The following RIMBP2 variants were observed in gnomAD, a reference collection of about 807,000 sequenced individuals.
RIMBP2 encodes the protein RIMS-binding protein 2.
A neutral mutation model predicts 118.6 loss-of-function variants in RIMBP2; 48 were observed. The observed-to-expected ratio is 0.40, with a 90% CI of 0.32 to 0.51. The LOEUF (loss-of-function observed/expected upper bound fraction) is 0.51. RIMBP2 is among the 20% of genes least tolerant of loss of function. RIMBP2 has a pLI of 0.41. For missense variants in RIMBP2, 1,551 were observed against 1,768.3 expected (o/e 0.88, Z 2.20); for synonymous variants, 762 against 742.9 (o/e 1.03, Z -0.42).
chr12:130,543,938 G>A (rs555538781), intron 2 of RIMBP2, among the ~76,000 whole-genome samples: 13 of 152,258 alleles, frequency 8.5e-5, no homozygotes, highest in Middle Eastern at 3.4e-3. Flanking sequence ...TGTTTCTCTT[G>A]AAGGTATTTG....
intron 1 of RIMBP2, among the ~76,000 whole-genome samples, chr12:130,666,965 G>C: frequency 7.2e-6 from 1 of 139,204 alleles, no homozygotes; most frequent in South Asian, 2.5e-4. Flanking sequence ...GAGGGAGAGA[G>C]GGAAGGAAGA....
intron 15 of RIMBP2, 187 bp from the exon 16 acceptor site, chr12:130,425,045 G>C: frequency 2.5e-6 from 1 of 401,986 alleles, no homozygotes; most frequent in Non-Finnish European, 4.3e-6. Flanking sequence ...AATGGGTTAC[G>C]GGGCTGGGGC....
chr12:130,703,432 A>G lies in RIMBP2; in HGVS notation c.-352+12790T>C, dbSNP rs959470814. Among the ~76,000 whole-genome samples, 8 of 152,148 alleles carry G rather than the reference A, an allele frequency of 5.3e-5. No individual in the cohort carries two copies. The highest frequency in any genetic ancestry group is 1.2e-4 in the African/African-American group (5 of 41,444). On this transcript the variant is annotated intron_variant, in intron 1 of 22. Coordinates refer to ENST00000690449, the MANE Select transcript of RIMBP2 (RefSeq NM_001393629.1). The surrounding 1 kb of genome is among the most constrained non-coding windows in gnomAD (Gnocchi z 5.7). ...GGTGGGAAGAGTGCTGTATTCTCAA[A>G]CGATCACTGTTTTTTAAAAGCGTGG... is the stretch of plus-strand genomic sequence containing the variant.
At chr12:130,499,242 A>AT (rs2049501642) in intron 4 of RIMBP2, among the ~76,000 whole-genome samples, 1 of 152,194 alleles carries the variant, frequency 6.6e-6, no homozygotes, top group African/African-American at 2.4e-5. Context: ...CTTCCCCAAC[A>AT]TTGAGAACTA....
chr12:130,478,633 T>A (rs763988644), intron 5 of RIMBP2, among the ~76,000 whole-genome samples: 6 of 152,216 alleles, frequency 3.9e-5, no homozygotes, highest in Non-Finnish European at 8.8e-5. Context: ...ATTCACACCC[T>A]GCCAGCCATC....
intron 2 of RIMBP2, among the ~76,000 whole-genome samples, chr12:130,600,653 C>A (rs2059822840): frequency 6.6e-6 from 1 of 152,190 alleles, no homozygotes. Context: ...TAGAACCTCC[C>A]CTCTGCCCAG....
chr12:130,622,943 AT>A lies in RIMBP2; in HGVS notation c.-217+5378del, dbSNP rs2061410501. Among the ~76,000 whole-genome samples, 1 of 152,236 alleles carries A rather than the reference AT, an allele frequency of 6.6e-6. No homozygotes were observed. Among genetic ancestry groups the A allele is most frequent in the Admixed American group, 6.5e-5 (1 of 15,284 alleles). ...CCTGCAGGTAGGAACAAGAAGACTC[AT>A]CTAACAGAGAAAATGAAAGAACAGA... On this transcript the variant is annotated intron_variant, in intron 2 of 22. Coordinates refer to ENST00000690449, the MANE Select transcript of RIMBP2 (RefSeq NM_001393629.1). This position sits in a 1 kb window ranked among gnomAD's most constrained non-coding sequence, Gnocchi z 8.5.
chr12:130,698,133 G>A (rs7135253), intron 1 of RIMBP2, among the ~76,000 whole-genome samples: 37,820 of 151,988 alleles, frequency 0.25, 5,101 homozygotes, highest in South Asian at 0.38. Context: ...GGGAAGGTGG[G>A]AGGGGAACCA....
intron 4 of RIMBP2, among the ~76,000 whole-genome samples, chr12:130,484,802 C>G (rs2082343190): frequency 6.6e-6 from 1 of 152,226 alleles, no homozygotes; most frequent in East Asian, 1.9e-4. Context: ...CATTAAAGAG[C>G]CTGAACACCT....
At chr12:130,610,706 G>A (rs978453625) in intron 2 of RIMBP2, among the ~76,000 whole-genome samples, 5 of 151,058 alleles carry the variant, frequency 3.3e-5, no homozygotes, top group Non-Finnish European at 7.4e-5. Context: ...GACTACAGGC[G>A]CCCGCTACCA....
chr12:130,697,006 C>T (rs140366661), intron 1 of RIMBP2, among the ~76,000 whole-genome samples: 2 of 152,288 alleles, frequency 1.3e-5, no homozygotes, highest in South Asian at 2.1e-4. Context: ...GGAAGTGCCT[C>T]GCCTGCCAGG....
chr12:130,539,724 C>A (rs12812039), intron 2 of RIMBP2, among the ~76,000 whole-genome samples: 63 of 104,566 alleles, frequency 6.0e-4, no homozygotes, highest in African/African-American at 1.8e-3. Flanking sequence ...CAAATGCAGT[C>A]GATGAGGTGG....
intron 4 of RIMBP2, among the ~76,000 whole-genome samples, chr12:130,488,286 G>A (rs2082647887): frequency 6.6e-6 from 1 of 151,258 alleles, no homozygotes; most frequent in African/African-American, 2.4e-5. Flanking sequence ...TCGGAGATGG[G>A]CTTTGAGACT....
At chr12:130,596,638 T>G (rs560947730) in intron 2 of RIMBP2, among the ~76,000 whole-genome samples, 2 of 152,320 alleles carry the variant, frequency 1.3e-5, no homozygotes, top group East Asian at 3.9e-4. Context: ...GTAGTCACAG[T>G]GTGTAATGCG....
chr12:130,485,508 C>T (rs1240452075), intron 4 of RIMBP2, among the ~76,000 whole-genome samples: 1 of 152,268 alleles, frequency 6.6e-6, no homozygotes, highest in Non-Finnish European at 1.5e-5. Flanking sequence ...CTTTCGACTT[C>T]CTCGCGGCCC....
At chr12:130,558,028 T>C (rs543495035) in intron 2 of RIMBP2, among the ~76,000 whole-genome samples, 1 of 152,186 alleles carries the variant, frequency 6.6e-6, no homozygotes, top group Admixed American at 6.5e-5. Context: ...AGAGGAAATA[T>C]GTGCTTAAGA....
chr12:130,714,021 G>C (rs1950151422), intron 1 of RIMBP2, among the ~76,000 whole-genome samples: 1 of 152,210 alleles, frequency 6.6e-6, no homozygotes, highest in Non-Finnish European at 1.5e-5. Flanking sequence ...TGGATCAGAG[G>C]TTCTGAGATT....
intron 4 of RIMBP2, among the ~76,000 whole-genome samples, chr12:130,481,162 G>A (rs565286348): frequency 6.6e-6 from 1 of 151,760 alleles, no homozygotes; most frequent in East Asian, 1.9e-4. Context: ...GTGAGGGCGG[G>A]GGCACCCAGG....
At chr12:130,636,606 G>C (rs1297995266) in intron 1 of RIMBP2, among the ~76,000 whole-genome samples, 1 of 152,134 alleles carries the variant, frequency 6.6e-6, no homozygotes, top group African/African-American at 2.4e-5. Context: ...CCAGATACTC[G>C]CACACTATTG....
Sources: allele counts gnomAD v4.1 joint callset (sites outside exome capture counted in the v4.1 genomes callset), GRCh38; gene constraint gnomAD v4.1.1; non-coding constraint Gnocchi (gnomAD v3.1); transcripts MANE v1.5; gene names NCBI Gene and HGNC (gene_info 2026-07-23, HGNC 2026-07-21).